The following TOX2 variants were observed in gnomAD, a reference collection of about 807,000 sequenced individuals.
TOX2 encodes the protein TOX high mobility group box family member 2.
TOX2 carries 15 observed loss-of-function variants against 47.4 expected under a neutral mutation model. That is an observed-to-expected ratio of 0.32 (90% confidence interval 0.21 to 0.49). The LOEUF (loss-of-function observed/expected upper bound fraction) is 0.49, where lower values mean the gene tolerates loss of function less well. TOX2 is among the 20% of genes least tolerant of loss of function. TOX2 has a pLI of 0.99. For synonymous variants in TOX2, 290 were observed against 296.6 expected, an observed-to-expected ratio of 0.98 and a Z score of 0.23; for missense variants, 622 against 673.1, an observed-to-expected ratio of 0.92 and a Z score of 0.84.
intron 1 of TOX2, among the ~76,000 whole-genome samples, chr20:43,929,819 C>T (rs1447835806): frequency 6.6e-6 from 1 of 152,172 alleles, no homozygotes; most frequent in African/African-American, 2.4e-5. Flanking sequence ...AAGTGATTCT[C>T]CTACCTCAGC....
intron 1 of TOX2, among the ~76,000 whole-genome samples, chr20:43,940,457 CA>C (rs2069387997): frequency 6.6e-6 from 1 of 151,558 alleles, no homozygotes; most frequent in African/African-American, 2.4e-5. Flanking sequence ...TTCCTGATCT[CA>C]AGCAATCCTC....
intron 2 of TOX2, among the ~76,000 whole-genome samples, chr20:43,997,294 A>T (rs1265420279): frequency 1.3e-5 from 2 of 152,210 alleles, no homozygotes; most frequent in African/African-American, 4.8e-5. Flanking sequence ...ACCTAACAAC[A>T]TAGCTTTGAA....
At chr20:43,983,823 T>C (rs1164568905) in intron 2 of TOX2, among the ~76,000 whole-genome samples, 2 of 152,218 alleles carry the variant, frequency 1.3e-5, no homozygotes, top group Non-Finnish European at 2.9e-5. Context: ...TGGGCACTAT[T>C]GCTGTCCCAT....
chr20:43,957,273 T>C (rs189357099), intron 1 of TOX2, among the ~76,000 whole-genome samples: 7 of 152,334 alleles, frequency 4.6e-5, no homozygotes, highest in Non-Finnish European at 7.4e-5. Context: ...TGTTCCTAAA[T>C]AGGGACAGGA....
chr20:44,027,318 C>T (rs564699731), intron 3 of TOX2, among the ~76,000 whole-genome samples: 15 of 152,028 alleles, frequency 9.9e-5, no homozygotes, highest in Non-Finnish European at 2.2e-4. Context: ...GGTGGGTCAC[C>T]CTCCCCTCCT....
intron 4 of TOX2, among the ~76,000 whole-genome samples, chr20:44,053,572 C>CATATATACATACACACACATATATACAT (rs1315752724): frequency 7.3e-6 from 1 of 137,330 alleles, no homozygotes; most frequent in African/African-American, 2.7e-5. Context: ...TATATACACA[C>CATATATACATACACACACATATATACAT]ACATATATAT....
rs1427537412 is a variant in TOX2, at chr20:43,916,972, G to C, written c.99+1982G>C. On this transcript the variant is annotated intron_variant, in intron 1 of 8. Transcript: ENST00000341197. This position sits in a 1 kb window ranked among gnomAD's most constrained non-coding sequence, Gnocchi z 5.0. Reference sequence around the variant, plus strand: ...CGCCGGGAAGGGCCCGTCAGGGAGGGAATGAGAAGCCGGCGATTCTGGTTT... The same window carrying C: ...CGCCGGGAAGGGCCCGTCAGGGAGGCAATGAGAAGCCGGCGATTCTGGTTT... Among the ~76,000 whole-genome samples, 1 of 151,994 alleles carries C rather than the reference G, an allele frequency of 6.6e-6. No individual in the cohort carries two copies. Among genetic ancestry groups the C allele is most frequent in the Admixed American group, 6.6e-5 (1 of 15,256 alleles).
intron 1 of TOX2, among the ~76,000 whole-genome samples, chr20:43,960,885 G>A (rs534895599): frequency 4.7e-4 from 71 of 152,324 alleles, no homozygotes; most frequent in Middle Eastern, 3.4e-3. Flanking sequence ...CTGATGGAAC[G>A]GCCCAGGGGC....
chr20:44,032,107 A>G (rs2071163356), intron 3 of TOX2, among the ~76,000 whole-genome samples: 1 of 152,040 alleles, frequency 6.6e-6, no homozygotes. Context: ...GGGTTGCAGT[A>G]TTGGGTAGGA....
rs551336448 is a variant in TOX2 at position 43,990,224 on chromosome 20, G to GA, written c.166-16317dup. Among the ~76,000 whole-genome samples the GA allele has an allele frequency of 1.2e-4, 18 of 152,178 alleles. No homozygotes were observed. In the East Asian group the frequency reaches 3.3e-3, roughly 28 times the overall value. On this transcript the variant is annotated intron_variant, in intron 2 of 8. Coordinates refer to ENST00000341197, the MANE Select transcript of TOX2 (RefSeq NM_001098797.2). ...ATATAAATGGTTTCTGCTATTTTTT[G>GA]AAAAAAGCTATAGAAAAGCAGGTCA...
intron 3 of TOX2, among the ~76,000 whole-genome samples, chr20:44,019,460 G>A (rs557027764): frequency 8.5e-5 from 13 of 152,354 alleles, no homozygotes; most frequent in Middle Eastern, 3.4e-3. Flanking sequence ...CTGGGATGGT[G>A]GGCAAAGGTG....
rs1456414142 is a variant in TOX2 at position 44,051,584 on chromosome 20, C to T, written c.651+39C>T. 7 of 1,531,394 alleles carry T rather than the reference C, an allele frequency of 4.6e-6. No homozygotes were observed. In the Admixed American group the frequency reaches 5.8e-5, roughly 13 times the overall value. The allele number at this position is 1,531,394 out of a possible 1,614,324, so 94.9% of individuals were successfully genotyped here. A position where few individuals can be genotyped will look rare whatever the true frequency, so the allele number is the denominator to read the frequency against. On this transcript the variant is annotated intron_variant, in intron 4 of 8. Transcript: ENST00000341197. The stretch of plus-strand genomic sequence containing the variant: ...AGGAACAGAGCCTGAAGCTGCCCTC[C>T]TGTCGGCAGGGAAGGGGTCCTGTGG...
intron 2 of TOX2, among the ~76,000 whole-genome samples, chr20:43,992,899 G>A (rs1234274057): frequency 6.7e-6 from 1 of 150,298 alleles, no homozygotes; most frequent in Non-Finnish European, 1.5e-5. Context: ...TTTGGTCCAC[G>A]GCCTGTGATT....
intron 2 of TOX2, 114 bp from the exon 3 acceptor site, chr20:44,006,433 C>G (rs899537574): frequency 6.7e-7 from 1 of 1,487,976 alleles, no homozygotes; most frequent in African/African-American, 1.4e-5. Context: ...CATCCCTTCT[C>G]TCCTTTGCCA....
At chr20:43,932,978 GA>G (rs1242591477) in intron 1 of TOX2, among the ~76,000 whole-genome samples, 1 of 152,164 alleles carries the variant, frequency 6.6e-6, no homozygotes, top group Admixed American at 6.5e-5. Context: ...CTTCAAGAAG[GA>G]AGTAGAGGCA....
chr20:44,057,138 G>T (rs2071633839), intron 5 of TOX2, among the ~76,000 whole-genome samples: 1 of 152,054 alleles, frequency 6.6e-6, no homozygotes, highest in Non-Finnish European at 1.5e-5. Flanking sequence ...TGCTCAGGCT[G>T]ACAAACTCTT....
chr20:44,063,807 C>A (rs2071764104), intron 5 of TOX2, among the ~76,000 whole-genome samples: 1 of 150,444 alleles, frequency 6.6e-6, no homozygotes, highest in African/African-American at 2.5e-5. Flanking sequence ...CACACACAAA[C>A]ACCATGAAAT....
intron 2 of TOX2, among the ~76,000 whole-genome samples, chr20:43,995,421 T>G (rs542238994): frequency 6.6e-6 from 1 of 152,342 alleles, no homozygotes; most frequent in African/African-American, 2.4e-5. Context: ...CTCCAGTTGT[T>G]GGGGTTTGGA....
chr20:44,026,911 C>T (rs550907651), intron 3 of TOX2, among the ~76,000 whole-genome samples: 5 of 152,246 alleles, frequency 3.3e-5, no homozygotes, highest in Middle Eastern at 3.4e-3. Flanking sequence ...CTTTTCCTGC[C>T]GCCTCCTCCC....
Sources: allele counts gnomAD v4.1 joint callset (sites outside exome capture counted in the v4.1 genomes callset), GRCh38; gene constraint gnomAD v4.1.1; non-coding constraint Gnocchi (gnomAD v3.1); transcripts MANE v1.5; gene names NCBI Gene and HGNC (gene_info 2026-07-23, HGNC 2026-07-21).